Variants in LTB observed in about 807,000 individuals in gnomAD.
LTB encodes lymphotoxin beta, also known as lymphotoxin-beta.
In LTB, 17 loss-of-function variants were observed where a neutral mutation model predicts 14.7. The observed-to-expected ratio is 1.16, with a 90% CI of 0.79 to 1.73. The LOEUF is 1.73. Ranked by LOEUF, LTB falls within the 40% of genes most tolerant of loss-of-function variation. LTB has a pLI of 0.00. For missense variants in LTB, 288 were observed against 324.3 expected, an observed-to-expected ratio of 0.89 and a Z score of 0.86; for synonymous variants, 163 against 157.3, an observed-to-expected ratio of 1.04 and a Z score of -0.27.
rs1771423152 is a variant in LTB, at chr6:31,580,761, A to G, written c.683T>C (p.Met228Thr). Reference sequence around the variant, plus strand: ...GGTCTTCCCTCTCGCGAAGTCCACCATATCGGGGTGACTGATGTTGACGTA... The same window carrying G: ...GGTCTTCCCTCTCGCGAAGTCCACCGTATCGGGGTGACTGATGTTGACGTA... ...RVYVNISHPD[M>T]VDFARGKTFF... The change falls in exon 4 of 4, where the codon ATG (methionine) becomes ACG (threonine). Residue 228 changes from methionine (M) to threonine (T), a missense_variant. Coordinates refer to ENST00000429299, the MANE Select transcript of LTB (RefSeq NM_002341.2). This position sits in a 1 kb window ranked among gnomAD's most constrained non-coding sequence, Gnocchi z 6.6. The G allele has an allele frequency of 6.2e-7, 1 of 1,612,864 alleles. No individual in the cohort carries two copies. Among genetic ancestry groups the G allele is most frequent in the South Asian group, 1.1e-5 (1 of 91,078 alleles).
At position 31,581,002 on chromosome 6, in the gene LTB, C is replaced by G; in HGVS notation, c.442G>C (p.Gly148Arg). 6.4e-7 allele frequency: 1 copy of G among 1,567,066 alleles called. No individual in the cohort carries two copies. The highest frequency in any genetic ancestry group is 8.6e-7 in the Non-Finnish European group (1 of 1,156,158). ...LVGYRGRAPP[G>R]GGDPQGRSVT... ...GAGCGGCCCTGGGGGTCCCCGCCGCCAGGGGGCGCCCGGCCCCGGTAGCCG... is the reference window on the plus strand; with the variant it reads ...GAGCGGCCCTGGGGGTCCCCGCCGCGAGGGGGCGCCCGGCCCCGGTAGCCG... Residue 148 changes from glycine (G) to arginine (R), a missense_variant, in exon 4 of 4, where the codon GGC becomes CGC. Around this residue, in one of 2 missense-constraint regions of LTB, gnomAD observed 284 missense variants for 299.2 expected, o/e 0.95. Coordinates refer to ENST00000429299, the MANE Select transcript of LTB (RefSeq NM_002341.2).
At chr6:31,581,896 T>G (rs1166248275) in intron 1 of LTB, 37 bp from the exon 2 acceptor site, 1 of 1,547,956 alleles carries the variant, frequency 6.5e-7, no homozygotes, top group Admixed American at 2.0e-5. Context: ...GAGTTCAGAT[T>G]CAGCTCATGT....
At chr6:31,581,717 GC>G (rs1771532528) in intron 2 of LTB, 87 bp from the exon 3 acceptor site, 1 of 1,596,926 alleles carries the variant, frequency 6.3e-7, no homozygotes, top group African/African-American at 1.3e-5. Context: ...GGGATGGGGA[GC>G]CTGGATTCCT....
In LTB at chr6:31,582,289, C is replaced by T. The variant is rs769689253; in HGVS notation, c.129G>A (p.Val43=). ...CCTGATCCTGGGGCACTAAGGCCAGCACAGCCAGGACAGTGATAGGCACCG... is the reference window on the plus strand; with the variant it reads ...CCTGATCCTGGGGCACTAAGGCCAGTACAGCCAGGACAGTGATAGGCACCG... ...LLAVPITVLA[V]LALVPQDQGG... is the part of the protein sequence containing the mutation. The change falls in exon 1 of 4, where the codon GTG becomes GTA. Residue 43 remains valine, a synonymous_variant. Coordinates refer to ENST00000429299, the MANE Select transcript of LTB (RefSeq NM_002341.2). The T allele has an allele frequency of 6.2e-7, 1 of 1,613,046 alleles. No homozygotes were observed. The highest frequency in any genetic ancestry group is 8.5e-7 in the Non-Finnish European group (1 of 1,180,010).
intron 2 of LTB, 58 bp from the exon 3 acceptor site, chr6:31,581,688 C>G (rs1771529620): frequency 6.2e-7 from 1 of 1,600,160 alleles, no homozygotes; most frequent in African/African-American, 1.3e-5. Context: ...GCAGGCTACC[C>G]TTGAGAGAAC....
chr6:31,581,917 C>G, intron 1 of LTB, 58 bp from the exon 2 acceptor site: 1 of 1,510,766 alleles, frequency 6.6e-7, no homozygotes, highest in African/African-American at 1.4e-5. Flanking sequence ...CACCCCTACC[C>G]CTCTGAAAGT....
At chr6:31,581,508 C>T in intron 3 of LTB, 51 bp downstream of exon 3, 2 of 1,554,582 alleles carry the variant, frequency 1.3e-6, no homozygotes, top group South Asian at 1.1e-5. Context: ...GCGAGCAGAA[C>T]TGGAACCTTC....
chr6:31,581,997 G>C (rs1771570741), intron 1 of LTB, 138 bp from the exon 2 acceptor site: 2 of 912,322 alleles, frequency 2.2e-6, no homozygotes, highest in Admixed American at 2.6e-5. Flanking sequence ...TTAGAAGGGA[G>C]AACAAGCAAG....
At position 31,581,624 on chromosome 6, in the gene LTB, T is replaced by C; in HGVS notation, c.215A>G (p.Gln72Arg). Residue 72 changes from glutamine (Q) to arginine (R), a missense_variant, in exon 3 of 4, where the codon CAG becomes CGG. Gln to Arg is a conservative substitution (Grantham distance 43). This residue lies in a region of LTB where 284 missense variants were observed against 299.2 expected (regional missense o/e 0.95). Transcript: ENST00000429299. ...TTCTGGCTCCTCCTCTGGCAGCTTC[T>C]GAAACCCTGGAAGGGGCAAAGAGTC... is the stretch of plus-strand genomic sequence containing the variant. ...GAQAQQGLGFQKLPEEEPETD... is the reference protein window; with the variant it reads ...GAQAQQGLGFRKLPEEEPETD... The C allele has an allele frequency of 1.2e-6, 2 of 1,612,884 alleles. No individual in the cohort carries two copies. The highest frequency in any genetic ancestry group is 1.7e-6 in the Non-Finnish European group (2 of 1,179,952).
At chr6:31,581,950 G>C (rs180949041) in intron 1 of LTB, 91 bp from the exon 2 acceptor site, 2 of 1,318,276 alleles carry the variant, frequency 1.5e-6, no homozygotes, top group East Asian at 2.3e-5. Context: ...CAGGCCTGGG[G>C]TTTCTCCTAC....
At chr6:31,581,281 G>T in intron 3 of LTB, 118 bp from the exon 4 acceptor site, 1 of 959,570 alleles carries the variant, frequency 1.0e-6, no homozygotes, top group Non-Finnish European at 1.5e-6. Flanking sequence ...GAGGAGGGAT[G>T]GTGCTGTTTC....
rs1771518909 is a variant in LTB at position 31,581,618 on chromosome 6, A to G, written c.221T>C (p.Leu74Pro). The G allele has an allele frequency of 6.2e-7, 1 of 1,612,842 alleles. No individual in the cohort carries two copies. Among genetic ancestry groups the G allele is most frequent in the Non-Finnish European group, 8.5e-7 (1 of 1,179,968 alleles). The change falls in exon 3 of 4, where the codon CTG becomes CCG. Residue 74 changes from leucine to proline, a missense_variant. Leu to Pro is a moderately conservative substitution (Grantham distance 98). Coordinates refer to ENST00000429299, the MANE Select transcript of LTB (RefSeq NM_002341.2). ...QAQQGLGFQK[L>P]PEEEPETDLS... ...ATCTGTTTCTGGCTCCTCCTCTGGCAGCTTCTGAAACCCTGGAAGGGGCAA... is the reference window on the plus strand; with the variant it reads ...ATCTGTTTCTGGCTCCTCCTCTGGCGGCTTCTGAAACCCTGGAAGGGGCAA...
chr6:31,582,303 T>C lies in LTB; in HGVS notation c.115A>G (p.Thr39Ala), dbSNP rs1771608792. The stretch of plus-strand genomic sequence containing the variant: ...ACTAAGGCCAGCACAGCCAGGACAG[T>C]GATAGGCACCGCCAGCAACAAGGTC... ...LVTLLLAVPI[T>A]VLAVLALVPQ... Residue 39 changes from threonine (T) to alanine (A), a missense_variant, in exon 1 of 4, where the codon ACT becomes GCT. Coordinates refer to ENST00000429299, the MANE Select transcript of LTB (RefSeq NM_002341.2). The C allele has an allele frequency of 6.2e-7, 1 of 1,612,962 alleles. No homozygotes were observed. The highest frequency in any genetic ancestry group is 1.7e-4 in the Middle Eastern group (1 of 6,060).
intron 1 of LTB, 184 bp downstream of exon 1, chr6:31,582,072 A>T: frequency 1.3e-6 from 1 of 791,456 alleles, no homozygotes; most frequent in Non-Finnish European, 2.0e-6. Context: ...CAAGGGGCTT[A>T]TGTCGGGACA....
chr6:31,580,871 C>G lies in LTB; in HGVS notation c.573G>C (p.Pro191=). Residue 191 remains proline (P), a synonymous_variant, in exon 4 of 4, where the codon CCG becomes CCC. Transcript: ENST00000429299. The surrounding 1 kb of genome is among the most constrained non-coding windows in gnomAD (Gnocchi z 6.6). ...GAGGCCCGTACCCTTGTCTCCTGGC[C>G]GGGTCCAGCACTGGAGTCACCGTCT... The part of the protein sequence containing the change: ...GAETVTPVLD[P]ARRQGYGPLW... 6.2e-7 allele frequency: 1 copy of G among 1,607,644 alleles called. No homozygotes were observed. The highest frequency in any genetic ancestry group is 1.1e-5 in the South Asian group (1 of 90,228).
rs757175031 is a variant in LTB at position 31,582,278 on chromosome 6, A to G, written c.140T>C (p.Val47Ala). The G allele has an allele frequency of 6.2e-7, 1 of 1,612,994 alleles. No individual in the cohort carries two copies. Among genetic ancestry groups the G allele is most frequent in the African/African-American group, 1.3e-5 (1 of 75,040 alleles). The change falls in exon 1 of 4, where the codon GTG (valine) becomes GCG (alanine). Residue 47 changes from valine (V) to alanine (A), a missense_variant. Val to Ala is a moderately conservative substitution (Grantham distance 64). This residue lies in a region of LTB where 284 missense variants were observed against 299.2 expected (regional missense o/e 0.95). Coordinates refer to ENST00000429299, the MANE Select transcript of LTB (RefSeq NM_002341.2). ...CACCAGTCCTCCCTGATCCTGGGGCACTAAGGCCAGCACAGCCAGGACAGT... is the reference window on the plus strand; with the variant it reads ...CACCAGTCCTCCCTGATCCTGGGGCGCTAAGGCCAGCACAGCCAGGACAGT... ...PITVLAVLAL[V>A]PQDQGGLVTE...
intron 1 of LTB, 154 bp from the exon 2 acceptor site, chr6:31,582,013 G>A (rs543196679): frequency 9.4e-6 from 8 of 849,348 alleles, no homozygotes; most frequent in Admixed American, 5.4e-5. Context: ...GCAAGGCATA[G>A]GTACTTGGGC....
At position 31,581,574 on chromosome 6, in the gene LTB, C is replaced by T; in HGVS notation, c.265G>A (p.Ala89Thr). ...AGGTCCTTACCTATGAGGTGGGCAGCTGGGAGCCCGGGGCTGAGATCTGTT... is the reference window on the plus strand; with the variant it reads ...AGGTCCTTACCTATGAGGTGGGCAGTTGGGAGCCCGGGGCTGAGATCTGTT... ...PETDLSPGLP[A>T]AHLIGAPLKG... The change falls in exon 3 of 4, where the codon GCT becomes ACT. Residue 89 changes from alanine to threonine, a missense_variant. Physicochemically the swap from Ala to Thr is moderately conservative, Grantham distance 58. This residue lies in a region of LTB where 284 missense variants were observed against 299.2 expected (regional missense o/e 0.95). Coordinates refer to ENST00000429299, the MANE Select transcript of LTB (RefSeq NM_002341.2). 1 of 1,612,960 alleles carries T rather than the reference C, an allele frequency of 6.2e-7. No homozygotes were observed. Among genetic ancestry groups the T allele is most frequent in the Non-Finnish European group, 8.5e-7 (1 of 1,179,996 alleles).
chr6:31,580,861 G>A lies in LTB; in HGVS notation c.583C>T (p.Gln195Ter). The change falls in exon 4 of 4, where the codon CAA becomes TAA. Residue 195 changes from glutamine to a stop codon, truncating the protein, a stop_gained. Transcript: ENST00000429299. LOFTEE classifies it high-confidence loss of function. This position sits in a 1 kb window ranked among gnomAD's most constrained non-coding sequence, Gnocchi z 6.6. ...VTPVLDPARR[Q>*]GYGPLWYTSV... is the part of the protein sequence containing the mutation. ...GTGTACCAGAGAGGCCCGTACCCTT[G>A]TCTCCTGGCCGGGTCCAGCACTGGA... 5.0e-6 allele frequency: 8 copies of A among 1,609,774 alleles called. No homozygotes were observed. Among genetic ancestry groups the A allele is most frequent in the East Asian group, 2.2e-5 (1 of 44,706 alleles).
Sources: allele counts gnomAD v4.1 joint callset, GRCh38; gene constraint gnomAD v4.1.1; regional missense constraint gnomAD v4.1.1; non-coding constraint Gnocchi (gnomAD v3.1); transcripts MANE v1.5; gene names NCBI Gene and HGNC (gene_info 2026-07-23, HGNC 2026-07-21).